EYS: variants seen among roughly 807,000 people sequenced by gnomAD.
The protein encoded by EYS is EGF-like photoreceptor maintenance factor, also known as protein eyes shut homolog.
A neutral mutation model predicts 282.1 loss-of-function variants in EYS; 250 were observed. The ratio of observed to expected loss-of-function variants is 0.89; its 90% CI spans 0.80 to 0.98. The LOEUF (loss-of-function observed/expected upper bound fraction) is 0.98. Ranked by LOEUF, EYS falls within the 50% of genes least tolerant of loss-of-function variation. EYS has a pLI of 0.00. For missense variants in EYS, 4,016 were observed against 3,709.0 expected (o/e 1.08, Z -2.15); for synonymous variants, 1,355 against 1,282.9 (o/e 1.06, Z -1.20).
At chr6:65,460,028 TATA>T (rs550144383) in intron 5 of EYS, among the ~76,000 whole-genome samples, 336 of 137,888 alleles carry the variant, frequency 2.4e-3, no homozygotes, top group Non-Finnish European at 3.9e-3. Context: ...TATGTATTAA[TATA>T]ATATATATCA....
chr6:65,023,673 C>A (rs980452248), intron 13 of EYS, among the ~76,000 whole-genome samples: 5 of 152,188 alleles, frequency 3.3e-5, no homozygotes. Flanking sequence ...GTTGAAGCAG[C>A]ACAAGTGGAC....
intron 22 of EYS, among the ~76,000 whole-genome samples, chr6:64,779,980 T>C (rs897232903): frequency 6.6e-6 from 1 of 152,312 alleles, no homozygotes; most frequent in Middle Eastern, 3.4e-3. Flanking sequence ...TATGCAATAC[T>C]TAACTACAAA....
chr6:65,465,136 G>T (rs1353425542), intron 5 of EYS, among the ~76,000 whole-genome samples: 1 of 152,084 alleles, frequency 6.6e-6, no homozygotes, highest in Non-Finnish European at 1.5e-5. Context: ...AAAATGAAAA[G>T]AGAAGAACAC....
chr6:63,954,762 G>T (rs1409049707), intron 35 of EYS, among the ~76,000 whole-genome samples: 1 of 152,128 alleles, frequency 6.6e-6, no homozygotes, highest in Non-Finnish European at 1.5e-5. Flanking sequence ...GAAAGCAAAT[G>T]GTTCTTGGAC....
intron 26 of EYS, among the ~76,000 whole-genome samples, chr6:64,444,678 T>G (rs1159551044): frequency 6.6e-6 from 1 of 152,190 alleles, no homozygotes; most frequent in African/African-American, 2.4e-5. Context: ...CTTGGATGTT[T>G]GTCCCCTCCA....
chr6:65,378,274 A>G (rs879960915), intron 8 of EYS, among the ~76,000 whole-genome samples: 2 of 152,218 alleles, frequency 1.3e-5, no homozygotes, highest in Non-Finnish European at 2.9e-5. Flanking sequence ...GTCAACAAAC[A>G]TATGAAAAAA....
intron 28 of EYS, among the ~76,000 whole-genome samples, chr6:64,423,562 C>T (rs1050471299): frequency 1.3e-5 from 2 of 152,110 alleles, no homozygotes; most frequent in African/African-American, 4.8e-5. Flanking sequence ...TGTTAAGAAA[C>T]CAAATTCTTG....
At chr6:65,426,965 T>A (rs1444229967) in intron 5 of EYS, among the ~76,000 whole-genome samples, 4 of 152,230 alleles carry the variant, frequency 2.6e-5, no homozygotes, top group African/African-American at 9.6e-5. Context: ...GTTAAATACA[T>A]AAATATTTTC....
intron 31 of EYS, among the ~76,000 whole-genome samples, chr6:64,104,937 C>G (rs1772958298): frequency 6.6e-6 from 1 of 151,470 alleles, no homozygotes; most frequent in Non-Finnish European, 1.5e-5. Flanking sequence ...TGTCCTGGGA[C>G]TAGATAAAGT....
At chr6:63,761,874 A>G (rs929414789) in intron 41 of EYS, among the ~76,000 whole-genome samples, 1 of 152,056 alleles carries the variant, frequency 6.6e-6, no homozygotes, top group Admixed American at 6.6e-5. Context: ...CCAGCCAGGT[A>G]TTAAAGAGAA....
chr6:65,278,645 G>A (rs1024560641), intron 12 of EYS, among the ~76,000 whole-genome samples: 7 of 151,934 alleles, frequency 4.6e-5, no homozygotes, highest in South Asian at 4.1e-4. Context: ...CAAGGCCCAA[G>A]TCAGAGGAGT....
chr6:63,959,807 A>C (rs545978181), intron 35 of EYS, among the ~76,000 whole-genome samples: 1 of 152,294 alleles, frequency 6.6e-6, no homozygotes, highest in South Asian at 2.1e-4. Context: ...CTGGGAGTTG[A>C]ACAGTGAGAA....
intron 31 of EYS, among the ~76,000 whole-genome samples, chr6:64,177,939 A>G (rs187267384): frequency 2.7e-3 from 416 of 152,084 alleles, no homozygotes; most frequent in Non-Finnish European, 4.7e-3. Context: ...TATTCCATTT[A>G]CTCCAACCCT....
chr6:63,738,425 A>G (rs548678109), intron 41 of EYS, among the ~76,000 whole-genome samples: 2 of 152,122 alleles, frequency 1.3e-5, no homozygotes, highest in African/African-American at 4.8e-5. Context: ...TGATGAGTTC[A>G]TGTCCTTTGT....
chr6:64,288,201 G>T (rs950112238), intron 30 of EYS, among the ~76,000 whole-genome samples: 1 of 152,156 alleles, frequency 6.6e-6, no homozygotes, highest in East Asian at 1.9e-4. Context: ...GTTTCCTTGG[G>T]TGTCTTTTTA....
At chr6:65,541,481 T>C (rs1007300527) in intron 2 of EYS, among the ~76,000 whole-genome samples, 6 of 152,202 alleles carry the variant, frequency 3.9e-5, no homozygotes, top group Admixed American at 3.3e-4. Context: ...TCTGAATCTC[T>C]TGTGTTTCAA....
At chr6:64,287,048 C>G (rs371033155) in intron 30 of EYS, among the ~76,000 whole-genome samples, 1 of 152,122 alleles carries the variant, frequency 6.6e-6, no homozygotes, top group Admixed American at 6.6e-5. Flanking sequence ...AAAACTCCAA[C>G]CTTTATTTTC....
intron 30 of EYS, among the ~76,000 whole-genome samples, chr6:64,271,918 C>T (rs768503419): frequency 2.0e-5 from 3 of 152,144 alleles, no homozygotes; most frequent in African/African-American, 7.2e-5. Flanking sequence ...CAGCTCACTG[C>T]AACCTCTGTG....
At chr6:65,032,223 A>T (rs1167462559) in intron 13 of EYS, among the ~76,000 whole-genome samples, 1 of 152,312 alleles carries the variant, frequency 6.6e-6, no homozygotes, top group South Asian at 2.1e-4. Flanking sequence ...GAGTAATAAT[A>T]ATGAGATCTG....
Sources: allele counts gnomAD v4.1 joint callset (sites outside exome capture counted in the v4.1 genomes callset), GRCh38; gene constraint gnomAD v4.1.1; transcripts MANE v1.5; gene names NCBI Gene and HGNC (gene_info 2026-07-23, HGNC 2026-07-21).